Variants in SF3B3 observed in about 807,000 individuals in gnomAD.
SF3B3 encodes the protein splicing factor 3b subunit 3.
A neutral mutation model predicts 139.2 loss-of-function variants in SF3B3; 33 were observed. That is an observed-to-expected ratio of 0.24 (90% confidence interval 0.18 to 0.32). SF3B3 has a LOEUF of 0.32. Among genes scored for constraint, SF3B3 ranks in the 10% least tolerant of loss-of-function variants. The pLI is 1.00. For synonymous variants in SF3B3, 596 were observed against 563.6 expected, an observed-to-expected ratio of 1.06 and a Z score of -0.81; for missense variants, 818 against 1,509.4, an observed-to-expected ratio of 0.54 and a Z score of 7.59.
At chr16:70,535,778 T>G (rs1440161043) in intron 6 of SF3B3, among the ~76,000 whole-genome samples, 1 of 152,038 alleles carries the variant, frequency 6.6e-6, no homozygotes, top group Non-Finnish European at 1.5e-5. Context: ...CATTTTTATT[T>G]TGAAAATTCC....
chr16:70,569,958 G>A (rs757779186), intron 23 of SF3B3, 48 bp from the exon 24 acceptor site: 3 of 1,610,462 alleles, frequency 1.9e-6, no homozygotes, highest in Non-Finnish European at 1.7e-6. Flanking sequence ...GGAGTCCAGG[G>A]AGGCTCCTGA....
intron 11 of SF3B3, among the ~76,000 whole-genome samples, chr16:70,552,990 G>A (rs1013248058): frequency 5.9e-5 from 9 of 152,054 alleles, no homozygotes; most frequent in African/African-American, 1.9e-4. Flanking sequence ...GGCTCACTGC[G>A]GCCTCCGCCT....
At chr16:70,545,223 C>T (rs1486295548) in intron 10 of SF3B3, among the ~76,000 whole-genome samples, 8 of 152,118 alleles carry the variant, frequency 5.3e-5, no homozygotes, top group Non-Finnish European at 1.0e-4. Context: ...CGTGCCACAA[C>T]ACCCAGCTAA....
At chr16:70,561,852 A>G in intron 17 of SF3B3, 68 bp downstream of exon 17, 1 of 1,399,574 alleles carries the variant, frequency 7.1e-7, no homozygotes, top group Non-Finnish European at 1.0e-6. Context: ...TGGTTCTGCC[A>G]GAGTGTTGGA....
intron 23 of SF3B3, among the ~76,000 whole-genome samples, 166 bp downstream of exon 23, chr16:70,569,307 G>A (rs1479812490): frequency 6.6e-6 from 1 of 152,216 alleles, no homozygotes; most frequent in African/African-American, 2.4e-5. Flanking sequence ...TCCTTGGAGA[G>A]TAGCGAGTTT....
chr16:70,564,168 C>T (rs758983906), intron 18 of SF3B3, 118 bp downstream of exon 18: 179 of 994,636 alleles, frequency 1.8e-4, no homozygotes, highest in Non-Finnish European at 2.3e-4. Flanking sequence ...GCCACTAGTT[C>T]GAGACCAGCC....
intron 23 of SF3B3, among the ~76,000 whole-genome samples, chr16:70,569,383 G>C (rs933966793): frequency 6.6e-6 from 1 of 152,146 alleles, no homozygotes; most frequent in African/African-American, 2.4e-5. Context: ...TTCTCCTGTA[G>C]GCATGTGCTG....
At chr16:70,535,618 G>A (rs564698829) in intron 6 of SF3B3, among the ~76,000 whole-genome samples, 198 bp downstream of exon 6, 18 of 152,208 alleles carry the variant, frequency 1.2e-4, no homozygotes, top group Admixed American at 1.2e-3. Flanking sequence ...CTCTTAGAAA[G>A]GGAATTAAAA....
At position 70,570,167 on chromosome 16, in the gene SF3B3, A is replaced by T. The variant is rs773251654; in HGVS notation, c.3408+18A>T. On this transcript the variant is annotated intron_variant, in intron 24 of 25. Coordinates refer to ENST00000302516, the MANE Select transcript of SF3B3 (RefSeq NM_012426.5). ...CCCATGAGGTGAGAGCGCCCACATT[A>T]CTCTGGCCTTGACTTTTAAGGTTGT... 1.2e-6 allele frequency: 2 copies of T among 1,613,522 alleles called. No individual in the cohort carries two copies. Among genetic ancestry groups the T allele is most frequent in the Non-Finnish European group, 1.7e-6 (2 of 1,179,758 alleles).
At chr16:70,535,268 C>T in intron 5 of SF3B3, 40 bp from the exon 6 acceptor site, 1 of 1,042,370 alleles carries the variant, frequency 9.6e-7, no homozygotes, top group South Asian at 1.5e-5. Context: ...AAATTCATGT[C>T]TGAGTCAAAG....
intron 12 of SF3B3, 149 bp downstream of exon 12, chr16:70,554,746 C>G: frequency 2.6e-6 from 2 of 781,862 alleles, no homozygotes; most frequent in Non-Finnish European, 2.0e-6. Context: ...CATAATATCC[C>G]TCTCTGTATT....
rs897314035 is a variant in SF3B3, at chr16:70,575,196, C to CTTTTTTTTTTTTTTTTTTTTTTTT, written c.*3403_*3404insTTTTTTTTTTTTTTTTTTTTTTTT. ...TTTTCTTTTTCTTTTTCTTTTTTTT[C>CTTTTTTTTTTTTTTTTTTTTTTTT]TTTTTTTTTTTTTTTTTTTTGAGAT... On this transcript the variant is annotated 3_prime_UTR_variant, in exon 26 of 26. Coordinates refer to ENST00000302516, the MANE Select transcript of SF3B3 (RefSeq NM_012426.5). 6 of 110,008 alleles carry CTTTTTTTTTTTTTTTTTTTTTTTT rather than the reference C, an allele frequency of 5.5e-5. No individual in the cohort carries two copies. The highest frequency in any genetic ancestry group is 7.3e-5 in the Non-Finnish European group (4 of 54,750). 6.8% of individuals were successfully genotyped at this position (110,008 alleles called of 1,614,324 possible).
In SF3B3 at chr16:70,565,461, A is replaced by G; in HGVS notation, c.2763A>G (p.Ala921=). 6 of 1,614,142 alleles carry G rather than the reference A, an allele frequency of 3.7e-6. No homozygotes were observed. Among genetic ancestry groups the G allele is most frequent in the Non-Finnish European group, 5.1e-6 (6 of 1,179,984 alleles). ...TGATACTAAACCCCCGATCTGTGGC[A>G]GGGGGCTTCGTCTATACTTACAAGC... is the stretch of plus-strand genomic sequence containing the variant. ...KDLILNPRSV[A]GGFVYTYKLV... The change falls in exon 20 of 26, where the codon GCA becomes GCG. Residue 921 remains alanine, a synonymous_variant. Transcript: ENST00000302516.
chr16:70,540,301 T>C (rs2050207484), intron 8 of SF3B3, among the ~76,000 whole-genome samples: 1 of 151,736 alleles, frequency 6.6e-6, no homozygotes, highest in Non-Finnish European at 1.5e-5. Context: ...CCTCAAGTGA[T>C]CCATCCACCT....
At chr16:70,558,937 T>C (rs1165045916) in intron 15 of SF3B3, among the ~76,000 whole-genome samples, 2 of 152,154 alleles carry the variant, frequency 1.3e-5, no homozygotes, top group South Asian at 2.1e-4. Flanking sequence ...TTGGGGTAGC[T>C]ATAGTATCGG....
In SF3B3 at chr16:70,561,889, C is replaced by G. The variant is rs1597721762; in HGVS notation, c.2288+105C>G. 3.3e-6 allele frequency: 3 copies of G among 921,218 alleles called. No individual in the cohort carries two copies. The East Asian group carries it at 7.4e-5, about 23-fold the overall frequency. The allele number at this position is 921,218 out of a possible 1,614,324, so 57.1% of individuals were successfully genotyped here. A position where few individuals can be genotyped will look rare whatever the true frequency, so the allele number is the denominator to read the frequency against. On this transcript the variant is annotated intron_variant, in intron 17 of 25. Coordinates refer to ENST00000302516, the MANE Select transcript of SF3B3 (RefSeq NM_012426.5). ...GAGGCTGTGAAGAGGTGGCAGAGAG[C>G]CGACTTCACCATGAAGCTTGTGTGT...
chr16:70,539,799 G>A (rs1386574862), intron 8 of SF3B3, among the ~76,000 whole-genome samples: 118 of 148,506 alleles, frequency 7.9e-4, no homozygotes, highest in Admixed American at 7.9e-3. Flanking sequence ...TTTTTGAAGT[G>A]GAGTTTTGCC....
intron 11 of SF3B3, among the ~76,000 whole-genome samples, chr16:70,549,661 C>A (rs927332530): frequency 1.3e-5 from 2 of 152,134 alleles, no homozygotes; most frequent in African/African-American, 4.8e-5. Context: ...TGCGGTGGCT[C>A]ATGCCTGTAA....
At chr16:70,569,316 T>TTCTA (rs1219865884) in intron 23 of SF3B3, among the ~76,000 whole-genome samples, 175 bp downstream of exon 23, 5 of 152,186 alleles carry the variant, frequency 3.3e-5, no homozygotes, top group Admixed American at 6.5e-5. Flanking sequence ...AGTAGCGAGT[T>TTCTA]TCTTAGAGAG....
Sources: gnomAD v4.1 joint callset for allele counts (sites outside exome capture counted in the v4.1 genomes callset) on GRCh38, gnomAD v4.1.1 for gene constraint, MANE v1.5 for transcripts, NCBI Gene and HGNC (gene_info 2026-07-23, HGNC 2026-07-21) for gene names.